TNFRSF8: variants seen among roughly 807,000 people sequenced by gnomAD.
TNFRSF8 encodes the protein TNF receptor superfamily member 8, also known as tumor necrosis factor receptor superfamily member 8.
TNFRSF8 carries 26 observed loss-of-function variants against 70.8 expected under a neutral mutation model. That is an observed-to-expected ratio of 0.37 (90% CI 0.27 to 0.51). The LOEUF (loss-of-function observed/expected upper bound fraction) is 0.51, where lower values mean the gene tolerates loss of function less well. Among genes scored for constraint, TNFRSF8 ranks in the 20% least tolerant of loss-of-function variants. The probability of loss-of-function intolerance (pLI) is 0.94; values close to 1 mark genes in which losing one functional copy is unlikely to be tolerated. For missense variants in TNFRSF8, 720 were observed against 807.9 expected, an observed-to-expected ratio of 0.89 and a Z score of 1.32; for synonymous variants, 356 against 339.2, an observed-to-expected ratio of 1.05 and a Z score of -0.54.
chr1:12,099,391 C>T (rs560715917), intron 3 of TNFRSF8, among the ~76,000 whole-genome samples: 1 of 152,010 alleles, frequency 6.6e-6, no homozygotes, highest in African/African-American at 2.4e-5. Flanking sequence ...GTGATCCAGC[C>T]GCCTTGGCCT....
At chr1:12,139,760 G>A (rs1473008864) in intron 14 of TNFRSF8, among the ~76,000 whole-genome samples, 1 of 152,204 alleles carries the variant, frequency 6.6e-6, no homozygotes, top group Non-Finnish European at 1.5e-5. Context: ...TCAGCCTCCT[G>A]AGTAGCTGGG....
intron 1 of TNFRSF8, among the ~76,000 whole-genome samples, chr1:12,070,303 T>C (rs1356628781): frequency 6.6e-6 from 1 of 152,046 alleles, no homozygotes; most frequent in Non-Finnish European, 1.5e-5. Context: ...CAGGCTGGAG[T>C]GCAGTGGTGT....
rs183432422 is a variant in TNFRSF8, at chr1:12,118,112, C to A, written c.946+2383C>A. ...GGTGGATGCAGCATAACCCTCCCCCCCCACCCTTTTCTTTTTGAGACAAAG... is the reference window on the plus strand; with the variant it reads ...GGTGGATGCAGCATAACCCTCCCCCACCACCCTTTTCTTTTTGAGACAAAG... On this transcript the variant is annotated intron_variant, in intron 8 of 14. Coordinates refer to ENST00000263932, the MANE Select transcript of TNFRSF8 (RefSeq NM_001243.5). 1.9e-3 allele frequency among the ~76,000 whole-genome samples: 288 copies of A among 152,094 alleles called. 2 individuals are homozygous for A. The highest frequency in any genetic ancestry group is 6.8e-3 in the African/African-American group (281 of 41,490).
intron 8 of TNFRSF8, among the ~76,000 whole-genome samples, chr1:12,117,019 T>C (rs1641743784): frequency 1.3e-5 from 2 of 152,150 alleles, no homozygotes; most frequent in African/African-American, 4.8e-5. Flanking sequence ...TACAATGGCA[T>C]GGCATGGCCA....
chr1:12,125,412 A>G (rs1641920372), intron 10 of TNFRSF8, among the ~76,000 whole-genome samples: 1 of 152,144 alleles, frequency 6.6e-6, no homozygotes, highest in African/African-American at 2.4e-5. Flanking sequence ...CCTCATTTTT[A>G]AACTGAAGGT....
At chr1:12,120,366 G>A (rs1641808704) in intron 8 of TNFRSF8, among the ~76,000 whole-genome samples, 1 of 152,204 alleles carries the variant, frequency 6.6e-6, no homozygotes, top group African/African-American at 2.4e-5. Flanking sequence ...AGGAATAGAA[G>A]AGAGAATTGT....
intron 13 of TNFRSF8, among the ~76,000 whole-genome samples, chr1:12,136,813 A>G (rs910361323): frequency 4.0e-5 from 6 of 150,916 alleles, no homozygotes; most frequent in Admixed American, 2.6e-4. Flanking sequence ...GAACAGAATA[A>G]TCTTTGTCTG....
At chr1:12,077,610 C>A (rs529273443) in intron 1 of TNFRSF8, among the ~76,000 whole-genome samples, 1 of 152,342 alleles carries the variant, frequency 6.6e-6, no homozygotes, top group South Asian at 2.1e-4. Context: ...GCTAGGCACA[C>A]AGCACATGAC....
chr1:12,069,426 C>G (rs1055774278), intron 1 of TNFRSF8, among the ~76,000 whole-genome samples: 2 of 151,698 alleles, frequency 1.3e-5, no homozygotes, highest in African/African-American at 4.8e-5. Flanking sequence ...CGAGCCCCCC[C>G]GCCTCAGCCT....
chr1:12,105,598 C>CACACACAA (rs1641508135), intron 4 of TNFRSF8, among the ~76,000 whole-genome samples: 1 of 151,034 alleles, frequency 6.6e-6, no homozygotes, highest in Non-Finnish European at 1.5e-5. Flanking sequence ...CACACACACA[C>CACACACAA]GGATATATAC....
In TNFRSF8 at chr1:12,110,955, T is replaced by C. The variant is rs11590366; in HGVS notation, c.676+751T>C. Reference sequence around the variant, plus strand: ...CATGGCGTAGATATGCCGAGCTCTGTTTATCCAGTTTTTGAATATTTGGGT... The same window carrying C: ...CATGGCGTAGATATGCCGAGCTCTGCTTATCCAGTTTTTGAATATTTGGGT... On this transcript the variant is annotated intron_variant, in intron 6 of 14. Transcript: ENST00000263932. The surrounding 1 kb of genome is among the most constrained non-coding windows in gnomAD (Gnocchi z 4.0). Among the ~76,000 whole-genome samples, 8,728 of 152,240 alleles carry C rather than the reference T, an allele frequency of 0.057. 341 individuals carry two copies. Among genetic ancestry groups the C allele is most frequent in the Non-Finnish European group, 0.08 (5,429 of 68,016 alleles).
At chr1:12,089,406 C>A (rs1051624988) in intron 2 of TNFRSF8, among the ~76,000 whole-genome samples, 3 of 152,204 alleles carry the variant, frequency 2.0e-5, no homozygotes, top group Non-Finnish European at 4.4e-5. Context: ...TTCCATTGTC[C>A]CCCTGGCACC....
intron 2 of TNFRSF8, among the ~76,000 whole-genome samples, chr1:12,090,054 T>C (rs896423306): frequency 4.4e-5 from 6 of 136,338 alleles, no homozygotes; most frequent in Admixed American, 4.3e-4. Context: ...TACCCATCCA[T>C]CTACCCATCC....
At chr1:12,111,692 G>A (rs974535252) in intron 6 of TNFRSF8, among the ~76,000 whole-genome samples, 1 of 152,150 alleles carries the variant, frequency 6.6e-6, no homozygotes, top group Non-Finnish European at 1.5e-5. Flanking sequence ...TGGTTGGGGG[G>A]CAATGAGTAC....
At position 12,123,315 on chromosome 1, in the gene TNFRSF8, G is replaced by C; in HGVS notation, c.978G>C (p.Ala326=). ...CTGAGAAGGACACCACCTTTGAGGC[G>C]CCACCCCTGGGGACCCAGCCGGACT... is the stretch of plus-strand genomic sequence containing the variant. ...DMAEKDTTFE[A]PPLGTQPDCN... Residue 326 remains alanine (A), a synonymous_variant, in exon 9 of 15, where the codon GCG becomes GCC. Coordinates refer to ENST00000263932, the MANE Select transcript of TNFRSF8 (RefSeq NM_001243.5). 6.2e-7 allele frequency: 1 copy of C among 1,613,160 alleles called. No homozygotes were observed. The highest frequency in any genetic ancestry group is 8.5e-7 in the Non-Finnish European group (1 of 1,179,706).
Position 12,112,098 on chromosome 1 carries a change from G to C in TNFRSF8, c.793+84G>C, listed in dbSNP as rs1641644098. 1.0e-6 allele frequency: 1 copy of C among 988,698 alleles called. No individual in the cohort carries two copies. Among genetic ancestry groups the C allele is most frequent in the Admixed American group, 2.4e-5 (1 of 41,770 alleles). The allele number at this position is 988,698 out of a possible 1,614,324, so 61.2% of individuals were successfully genotyped here. ...ACTTCCAGTAACTACTCCCCCTTAT[G>C]TTTGTGGGTTTTTGATGGGGGTCGC... On this transcript the variant is annotated intron_variant, in intron 7 of 14. Coordinates refer to ENST00000263932, the MANE Select transcript of TNFRSF8 (RefSeq NM_001243.5). The surrounding 1 kb of genome is among the most constrained non-coding windows in gnomAD (Gnocchi z 5.3).
rs770018073 is a variant in TNFRSF8 at position 12,104,422 on chromosome 1, T to C, written c.312T>C (p.Arg104=). 5.1e-5 allele frequency: 83 copies of C among 1,614,022 alleles called. No individual in the cohort carries two copies. In the South Asian group the frequency reaches 8.2e-4, roughly 16 times the overall value. The change falls in exon 4 of 15, where the codon CGT becomes CGC. Residue 104 remains arginine, a synonymous_variant. Coordinates refer to ENST00000263932, the MANE Select transcript of TNFRSF8 (RefSeq NM_001243.5). Reference sequence around the variant, plus strand: ...CGCCGTGTGCATGGAACTCCTCCCGTGTCTGCGAATGTCGACCCGGCATGT... The same window carrying C: ...CGCCGTGTGCATGGAACTCCTCCCGCGTCTGCGAATGTCGACCCGGCATGT... ...EKTPCAWNSS[R]VCECRPGMFC... is the part of the protein sequence containing the mutation.
At position 12,108,074 on chromosome 1, in the gene TNFRSF8, A is replaced by ATTTTTTTTTTTTTTTTTTT. The variant is rs199941905; in HGVS notation, c.422-1485_422-1484insTTTTTTTTTTTTTTTTTTT. On this transcript the variant is annotated intron_variant, in intron 4 of 14. Coordinates refer to ENST00000263932, the MANE Select transcript of TNFRSF8 (RefSeq NM_001243.5). The surrounding 1 kb of genome is among the most constrained non-coding windows in gnomAD (Gnocchi z 4.0). ...CGAAGTCCCACACATACAGGCCACC[A>ATTTTTTTTTTTTTTTTTTT]TTTTTTTATTTTTTTTTTTTTTGTG... 3.4e-4 allele frequency among the ~76,000 whole-genome samples: 49 copies of ATTTTTTTTTTTTTTTTTTT among 146,186 alleles called. 1 individual carries two copies. Among genetic ancestry groups the ATTTTTTTTTTTTTTTTTTT allele is most frequent in the Non-Finnish European group, 4.2e-4 (28 of 66,426 alleles).
At chr1:12,102,726 A>G (rs539148276) in intron 3 of TNFRSF8, among the ~76,000 whole-genome samples, 2 of 152,152 alleles carry the variant, frequency 1.3e-5, no homozygotes, top group South Asian at 2.1e-4. Flanking sequence ...GGGTTTCACT[A>G]TGTTGGCCGG....
Sources: gnomAD v4.1 joint callset for allele counts (sites outside exome capture counted in the v4.1 genomes callset) on GRCh38, gnomAD v4.1.1 for gene constraint, Gnocchi (gnomAD v3.1) non-coding constraint, MANE v1.5 for transcripts, NCBI Gene and HGNC (gene_info 2026-07-23, HGNC 2026-07-21) for gene names.